Variants in RFX4 observed in about 807,000 individuals in gnomAD.
The protein encoded by RFX4 is regulatory factor X4.
Under a neutral mutation model 95.0 loss-of-function variants are expected in RFX4, and 10 were observed. The ratio of observed to expected loss-of-function variants is 0.11; its 90% confidence interval spans 0.06 to 0.18. The LOEUF is 0.18. Ranked by LOEUF, RFX4 falls within the 10% of genes least tolerant of loss-of-function variation. The pLI, the probability that RFX4 is intolerant of heterozygous loss-of-function variation, is 1.00. For synonymous variants in RFX4, 321 were observed against 340.7 expected (o/e 0.94, Z 0.64); for missense variants, 640 against 922.0 (o/e 0.69, Z 3.96).
At chr12:106,614,809 G>A (rs116486340) in intron 2 of RFX4, among the ~76,000 whole-genome samples, 4,161 of 152,120 alleles carry the variant, frequency 0.027, 176 homozygotes, top group African/African-American at 0.095. Context: ...ACGCCTGGCC[G>A]CCTGTGTGTT....
At chr12:106,719,317 G>C (rs948082206) in intron 11 of RFX4, among the ~76,000 whole-genome samples, 104 of 152,322 alleles carry the variant, frequency 6.8e-4, no homozygotes, top group Middle Eastern at 6.8e-3. Context: ...GCCTGATACA[G>C]TTGTGGTCCA....
intron 1 of RFX4, among the ~76,000 whole-genome samples, chr12:106,602,019 C>T (rs1470018856): frequency 6.6e-6 from 1 of 152,180 alleles, no homozygotes; most frequent in Non-Finnish European, 1.5e-5. Flanking sequence ...TATTATAATA[C>T]CAAACACTCC....
chr12:106,651,665 T>C (rs551611677), intron 3 of RFX4, among the ~76,000 whole-genome samples: 1 of 152,266 alleles, frequency 6.6e-6, no homozygotes, highest in East Asian at 1.9e-4. Flanking sequence ...CACAAGTGCC[T>C]ACAGGAGCCA....
At chr12:106,620,454 T>C (rs1050097441) in intron 2 of RFX4, among the ~76,000 whole-genome samples, 1 of 151,984 alleles carries the variant, frequency 6.6e-6, no homozygotes, top group Non-Finnish European at 1.5e-5. Flanking sequence ...GGGGAGGGGA[T>C]ATAAGAACAG....
intron 1 of RFX4, among the ~76,000 whole-genome samples, chr12:106,584,348 G>A (rs1433445354): frequency 1.3e-5 from 2 of 152,062 alleles, no homozygotes; most frequent in African/African-American, 4.8e-5. Context: ...CTTGCAACCC[G>A]GCTATTTTCA....
At chr12:106,696,834 T>C (rs2041889275) in intron 8 of RFX4, among the ~76,000 whole-genome samples, 1 of 152,192 alleles carries the variant, frequency 6.6e-6, no homozygotes, top group East Asian at 1.9e-4. Flanking sequence ...TGACATACAC[T>C]ATACCCTGTT....
At chr12:106,689,234 G>A in intron 6 of RFX4, 53 bp from the exon 7 acceptor site, 1 of 1,405,600 alleles carries the variant, frequency 7.1e-7, no homozygotes, top group Non-Finnish European at 1.0e-6. Flanking sequence ...AAGGGCAGCA[G>A]CAATGTGTAT....
rs188554387 is a variant in RFX4 at position 106,709,764 on chromosome 12, C to A, written c.934+334C>A. Among the ~76,000 whole-genome samples, 5 of 152,204 alleles carry A rather than the reference C, an allele frequency of 3.3e-5. No homozygotes were observed. In the East Asian group the frequency reaches 9.7e-4, roughly 29 times the overall value. On this transcript the variant is annotated intron_variant, in intron 9 of 17. Coordinates refer to ENST00000392842, the MANE Select transcript of RFX4 (RefSeq NM_213594.3). ...TCATTTAATCCTCATGCTGCCTCTG[C>A]GATGTAGAAAGTAGTATCCCTGTTC...
chr12:106,628,445 G>A (rs894778728), intron 2 of RFX4, among the ~76,000 whole-genome samples: 2 of 152,122 alleles, frequency 1.3e-5, no homozygotes, highest in African/African-American at 4.8e-5. Flanking sequence ...TAGATTATGG[G>A]TGTTTATAAT....
intron 8 of RFX4, among the ~76,000 whole-genome samples, chr12:106,699,166 A>G (rs1214721318): frequency 6.6e-6 from 1 of 152,050 alleles, no homozygotes; most frequent in Non-Finnish European, 1.5e-5. Context: ...TCTTTGATCT[A>G]TGGGGTATTT....
chr12:106,663,058 T>C (rs1285806255), intron 4 of RFX4, among the ~76,000 whole-genome samples: 2 of 152,142 alleles, frequency 1.3e-5, no homozygotes, highest in Non-Finnish European at 2.9e-5. Flanking sequence ...AGCCTTTCCA[T>C]AGAAACATTA....
chr12:106,686,956 T>A lies in RFX4; in HGVS notation c.450T>A (p.Ala150=), dbSNP rs1241014901. 4.3e-6 allele frequency: 7 copies of A among 1,613,760 alleles called. No individual in the cohort carries two copies. The change falls in exon 6 of 18, where the codon GCT becomes GCA. Residue 150 remains alanine, a synonymous_variant. Transcript: ENST00000392842. ...ATGTGATGTATTCCAAGAAAGGAGC[T>A]GCCTGGGTGAGTGAGACGGGCAAGA... ...YYDVMYSKKG[A]AWVSETGKKE... is the part of the protein sequence containing the mutation.
intron 15 of RFX4, among the ~76,000 whole-genome samples, chr12:106,742,463 A>C (rs1463658510): frequency 6.6e-6 from 1 of 152,198 alleles, no homozygotes; most frequent in African/African-American, 2.4e-5. Context: ...GATTATAGGC[A>C]TGCGACACTG....
Position 106,713,003 on chromosome 12 carries a change from G to T in RFX4, c.993+1492G>T, listed in dbSNP as rs1032972581. On this transcript the variant is annotated intron_variant, in intron 10 of 17. Transcript: ENST00000392842. ...TAGCCACGTGTTGCACAAGCGTAGG[G>T]GCGCACACACACGTTCCCTCTCCAC... Among the ~76,000 whole-genome samples the T allele has an allele frequency of 3.3e-5, 5 of 152,224 alleles. No homozygotes were observed. In the South Asian group the frequency reaches 6.2e-4, roughly 19 times the overall value.
chr12:106,615,265 C>T (rs1003092053), intron 2 of RFX4, among the ~76,000 whole-genome samples: 1 of 152,088 alleles, frequency 6.6e-6, no homozygotes, highest in Non-Finnish European at 1.5e-5. Flanking sequence ...TCAGTGGTGC[C>T]TTCATCATAA....
chr12:106,594,459 A>C (rs1423639861), intron 1 of RFX4, among the ~76,000 whole-genome samples: 1 of 152,226 alleles, frequency 6.6e-6, no homozygotes, highest in Non-Finnish European at 1.5e-5. Context: ...CTTCTAATCA[A>C]GGCTGCGTTT....
intron 2 of RFX4, among the ~76,000 whole-genome samples, chr12:106,632,609 C>T (rs540942959): frequency 3.9e-5 from 6 of 152,330 alleles, no homozygotes; most frequent in African/African-American, 1.4e-4. Flanking sequence ...GCTATAGCAT[C>T]CTGGACCTGC....
intron 1 of RFX4, among the ~76,000 whole-genome samples, chr12:106,594,752 C>A (rs920866993): frequency 6.6e-6 from 1 of 151,690 alleles, no homozygotes; most frequent in African/African-American, 2.4e-5. Flanking sequence ...ACAAGGATGC[C>A]CCATGGATCC....
intron 16 of RFX4, 126 bp from the exon 17 acceptor site, chr12:106,750,529 G>A: frequency 1.0e-6 from 1 of 976,734 alleles, no homozygotes; most frequent in Non-Finnish European, 1.4e-6. Context: ...GGGGGTGAAG[G>A]GGGGAAGAAA....
Sources: allele counts gnomAD v4.1 joint callset (sites outside exome capture counted in the v4.1 genomes callset), GRCh38; gene constraint gnomAD v4.1.1; transcripts MANE v1.5; gene names NCBI Gene and HGNC (gene_info 2026-07-23, HGNC 2026-07-21).